The following SCGN variants were observed in gnomAD, a reference collection of about 807,000 sequenced individuals.
SCGN encodes secretagogin.
SCGN carries 30 observed loss-of-function variants against 39.7 expected under a neutral mutation model. The observed-to-expected ratio is 0.76, with a 90% CI of 0.57 to 1.03. The LOEUF (loss-of-function observed/expected upper bound fraction) is 1.03, where lower values mean the gene tolerates loss of function less well. Ranked by LOEUF, SCGN falls within the 50% of genes least tolerant of loss-of-function variation. SCGN has a pLI of 0.00. For synonymous variants in SCGN, 106 were observed against 114.1 expected, an observed-to-expected ratio of 0.93 and a Z score of 0.45; for missense variants, 353 against 349.4, an observed-to-expected ratio of 1.01 and a Z score of -0.08.
intron 6 of SCGN, among the ~76,000 whole-genome samples, chr6:25,678,317 C>T (rs1015807995): frequency 2.0e-5 from 3 of 152,160 alleles, no homozygotes; most frequent in Non-Finnish European, 4.4e-5. Context: ...TCAACTGCCA[C>T]AGCCCTCCTG....
At chr6:25,653,914 G>A (rs976054173) in intron 2 of SCGN, among the ~76,000 whole-genome samples, 7 of 152,058 alleles carry the variant, frequency 4.6e-5, no homozygotes, top group Non-Finnish European at 8.8e-5. Flanking sequence ...ATTAGAAGAG[G>A]TTACAGATTT....
At chr6:25,683,134 C>G (rs1056921523) in intron 7 of SCGN, among the ~76,000 whole-genome samples, 1 of 152,122 alleles carries the variant, frequency 6.6e-6, no homozygotes, top group Non-Finnish European at 1.5e-5. Context: ...TATAGAAGAG[C>G]CACTGAGGGA....
intron 10 of SCGN, among the ~76,000 whole-genome samples, chr6:25,699,997 G>A (rs374158985): frequency 3.3e-5 from 5 of 152,072 alleles, no homozygotes; most frequent in African/African-American, 1.2e-4. Flanking sequence ...TGTAATCCTA[G>A]CACTTTGGGA....
rs533205458 is a variant in SCGN at position 25,696,846 on chromosome 6, G to T, written c.703-4361G>T. Among the ~76,000 whole-genome samples, 141 of 152,258 alleles carry T rather than the reference G, an allele frequency of 9.3e-4. 4 individuals are homozygous for T. The South Asian group carries it at 0.02, about 22-fold the overall frequency. ...ATACTATATGTTTTCGCATTATTATGTTAGGGACTTAACGTGCTGCCATCT... is the reference window on the plus strand; with the variant it reads ...ATACTATATGTTTTCGCATTATTATTTTAGGGACTTAACGTGCTGCCATCT... On this transcript the variant is annotated intron_variant, in intron 10 of 10. Coordinates refer to ENST00000377961, the MANE Select transcript of SCGN (RefSeq NM_006998.4).
intron 10 of SCGN, among the ~76,000 whole-genome samples, chr6:25,695,118 T>G (rs1196941133): frequency 6.6e-6 from 1 of 152,170 alleles, no homozygotes; most frequent in Admixed American, 6.5e-5. Context: ...ATTATTTGGT[T>G]ATCAAAACAC....
At chr6:25,657,519 C>A (rs374914151) in intron 2 of SCGN, among the ~76,000 whole-genome samples, 1 of 152,026 alleles carries the variant, frequency 6.6e-6, no homozygotes, top group African/African-American at 2.4e-5. Context: ...CTTATGCTGA[C>A]GCAATATCTT....
chr6:25,679,732 A>G (rs2205935), intron 6 of SCGN, among the ~76,000 whole-genome samples: 31,219 of 152,182 alleles, frequency 0.21, 3,586 homozygotes, highest in East Asian at 0.47. Flanking sequence ...CATGAAGTTT[A>G]TATTTCTTTA....
intron 5 of SCGN, 49 bp from the exon 6 acceptor site, chr6:25,669,950 A>C: frequency 7.1e-7 from 1 of 1,412,574 alleles, no homozygotes. Flanking sequence ...AGACCTTTGC[A>C]GTTTATTTGC....
intron 5 of SCGN, 72 bp from the exon 6 acceptor site, chr6:25,669,927 A>G (rs971193939): frequency 1.5e-5 from 18 of 1,185,674 alleles, no homozygotes; most frequent in Non-Finnish European, 2.0e-5. Context: ...AATTCTTGAA[A>G]TAAGGCCTTT....
At chr6:25,680,109 A>T (rs948241420) in intron 6 of SCGN, among the ~76,000 whole-genome samples, 1 of 152,240 alleles carries the variant, frequency 6.6e-6, no homozygotes, top group Admixed American at 6.5e-5. Flanking sequence ...CATAAAAACT[A>T]TTGAGCCCTC....
intron 10 of SCGN, among the ~76,000 whole-genome samples, chr6:25,692,069 A>G (rs1230570747): frequency 6.6e-6 from 1 of 152,170 alleles, no homozygotes; most frequent in Non-Finnish European, 1.5e-5. Flanking sequence ...TGTTATTCTC[A>G]TCCCAGTGGG....
chr6:25,654,914 C>T (rs1035764983), intron 2 of SCGN, among the ~76,000 whole-genome samples: 3 of 152,168 alleles, frequency 2.0e-5, no homozygotes, highest in Non-Finnish European at 2.9e-5. Context: ...GCGCACACTC[C>T]TCTTTATCCT....
chr6:25,678,195 T>G (rs918404030), intron 6 of SCGN, among the ~76,000 whole-genome samples: 1 of 151,932 alleles, frequency 6.6e-6, no homozygotes, highest in Non-Finnish European at 1.5e-5. Context: ...GGAGTATGAG[T>G]GCGAGTCTTG....
rs529533859 is a variant in SCGN at position 25,672,561 on chromosome 6, G to A, written c.471+2485G>A. On this transcript the variant is annotated intron_variant, in intron 6 of 10. Coordinates refer to ENST00000377961, the MANE Select transcript of SCGN (RefSeq NM_006998.4). ...GGCACAAGGCCCCTAGTGCAAGAGC[G>A]CACTTGGGATTTTTAAGAACAGGGA... Among the ~76,000 whole-genome samples, 39 of 152,260 alleles carry A rather than the reference G, an allele frequency of 2.6e-4. No individual in the cohort carries two copies. The South Asian group carries it at 6.8e-3, about 27-fold the overall frequency.
intron 7 of SCGN, among the ~76,000 whole-genome samples, chr6:25,682,692 T>C (rs979511832): frequency 6.6e-6 from 1 of 152,210 alleles, no homozygotes; most frequent in African/African-American, 2.4e-5. Context: ...GGAGCATCCA[T>C]AATACCAGCT....
At chr6:25,674,337 C>G (rs1759538869) in intron 6 of SCGN, among the ~76,000 whole-genome samples, 1 of 152,130 alleles carries the variant, frequency 6.6e-6, no homozygotes, top group South Asian at 2.1e-4. Context: ...ATTTTTCTTC[C>G]CTAAGTTATA....
At chr6:25,699,847 C>T (rs945910461) in intron 10 of SCGN, among the ~76,000 whole-genome samples, 2 of 151,998 alleles carry the variant, frequency 1.3e-5, no homozygotes, top group African/African-American at 4.8e-5. Context: ...TTGGTTGGTT[C>T]GGGTGAGCTC....
At chr6:25,665,276 T>C (rs1018196289) in intron 4 of SCGN, among the ~76,000 whole-genome samples, 1 of 151,960 alleles carries the variant, frequency 6.6e-6, no homozygotes, top group Admixed American at 6.6e-5. Context: ...GAGGAAACTT[T>C]AGACAAGAGG....
chr6:25,685,357 G>T (rs898228804), intron 7 of SCGN, among the ~76,000 whole-genome samples: 1 of 152,162 alleles, frequency 6.6e-6, no homozygotes, highest in African/African-American at 2.4e-5. Flanking sequence ...GTGAAATGCA[G>T]TTCAATTCCT....
Sources: gnomAD v4.1 joint callset for allele counts (sites outside exome capture counted in the v4.1 genomes callset) on GRCh38, gnomAD v4.1.1 for gene constraint, MANE v1.5 for transcripts, NCBI Gene and HGNC (gene_info 2026-07-23, HGNC 2026-07-21) for gene names.